Variants in RARB observed in about 807,000 individuals in gnomAD.
RARB encodes the protein retinoic acid receptor beta.
RARB carries 17 observed loss-of-function variants against 51.9 expected under a neutral mutation model. That is an observed-to-expected ratio of 0.33 (90% confidence interval 0.22 to 0.49). The LOEUF is 0.49. Among genes scored for constraint, RARB ranks in the 20% least tolerant of loss-of-function variants. The probability of loss-of-function intolerance (pLI) is 0.99; values close to 1 mark genes in which losing one functional copy is unlikely to be tolerated. For missense variants in RARB, 369 were observed against 550.8 expected (o/e 0.67, Z 3.30); for synonymous variants, 215 against 195.4 (o/e 1.10, Z -0.84).
intron 2 of RARB, among the ~76,000 whole-genome samples, chr3:24,944,547 A>G (rs989973219): frequency 2.0e-5 from 3 of 152,252 alleles, no homozygotes; most frequent in African/African-American, 7.2e-5. Flanking sequence ...TAGAAGTAAT[A>G]GAGCTAGAAT....
At chr3:25,459,070 G>C (rs1016326279) in intron 1 of RARB, among the ~76,000 whole-genome samples, 3 of 152,172 alleles carry the variant, frequency 2.0e-5, no homozygotes, top group Non-Finnish European at 4.4e-5. Flanking sequence ...GAGTATAGGG[G>C]ATGGCAGATG....
At chr3:25,281,590 T>C (rs774819451) in intron 5 of RARB, among the ~76,000 whole-genome samples, 5 of 152,166 alleles carry the variant, frequency 3.3e-5, no homozygotes, top group Non-Finnish European at 5.9e-5. Context: ...AAACAAATGA[T>C]CAGCACTGGG....
intron 5 of RARB, among the ~76,000 whole-genome samples, chr3:25,230,560 T>C (rs945547850): frequency 2.0e-5 from 3 of 152,052 alleles, no homozygotes; most frequent in Non-Finnish European, 4.4e-5. Context: ...TTTCTAACAA[T>C]AATTATCATT....
chr3:25,564,466 G>A (rs1039229230), intron 3 of RARB, among the ~76,000 whole-genome samples: 1 of 152,150 alleles, frequency 6.6e-6, no homozygotes, highest in African/African-American at 2.4e-5. Context: ...GGCTACTACT[G>A]TAGGGGTGGA....
At chr3:25,097,916 A>G (rs1224740781) in intron 3 of RARB, among the ~76,000 whole-genome samples, 3 of 152,154 alleles carry the variant, frequency 2.0e-5, no homozygotes, top group Non-Finnish European at 4.4e-5. Flanking sequence ...ATTGGGTTAG[A>G]CTTAAGATTC....
At chr3:25,290,099 T>A (rs1703749396) in intron 5 of RARB, among the ~76,000 whole-genome samples, 1 of 152,162 alleles carries the variant, frequency 6.6e-6, no homozygotes, top group African/African-American at 2.4e-5. Flanking sequence ...TAATGAAGCA[T>A]TGAGCTATTT....
At chr3:24,851,355 G>A (rs1423413784) in intron 1 of RARB, among the ~76,000 whole-genome samples, 2 of 151,470 alleles carry the variant, frequency 1.3e-5, no homozygotes, top group East Asian at 3.9e-4. Context: ...TGATTCTGGG[G>A]AAGTCAAGGC....
intron 5 of RARB, among the ~76,000 whole-genome samples, chr3:25,196,246 G>C (rs1005496580): frequency 6.6e-6 from 1 of 151,506 alleles, no homozygotes; most frequent in African/African-American, 2.4e-5. Context: ...ACAGGCCCCA[G>C]TGTGTGATGT....
chr3:24,831,291 G>A (rs1339842049), intron 1 of RARB, among the ~76,000 whole-genome samples: 1 of 152,200 alleles, frequency 6.6e-6, no homozygotes, highest in East Asian at 1.9e-4. Context: ...AAGAACTTCA[G>A]TAATGAACAC....
intron 1 of RARB, among the ~76,000 whole-genome samples, chr3:25,450,274 CA>C (rs1235816993): frequency 6.6e-6 from 1 of 152,134 alleles, no homozygotes; most frequent in East Asian, 1.9e-4. Context: ...CACTTTTCCC[CA>C]GATAATAAAT....
intron 2 of RARB, among the ~76,000 whole-genome samples, chr3:24,965,610 C>T (rs1461637876): frequency 6.6e-6 from 1 of 152,156 alleles, no homozygotes; most frequent in Non-Finnish European, 1.5e-5. Flanking sequence ...CAAGTTACTC[C>T]TCTGTCCTTC....
At position 25,290,002 on chromosome 3, in the gene RARB, G is replaced by C. The variant is rs150193644; in HGVS notation, c.178+115427G>C. Among the ~76,000 whole-genome samples, 698 of 152,234 alleles carry C rather than the reference G, an allele frequency of 4.6e-3. 12 individuals are homozygous for C. The highest frequency in any genetic ancestry group is 0.016 in the East Asian group (81 of 5,170). On this transcript the variant is annotated intron_variant, in intron 5 of 11. Transcript: ENST00000383772. Reference sequence around the variant, plus strand: ...TCAGGAAAAGACTCTGGAAGGTACTGGTAGGGCCTGTGGAAATCCCCCTCT... The same window carrying C: ...TCAGGAAAAGACTCTGGAAGGTACTCGTAGGGCCTGTGGAAATCCCCCTCT...
chr3:25,278,183 GGT>G (rs1703437827), intron 5 of RARB, among the ~76,000 whole-genome samples: 2 of 152,168 alleles, frequency 1.3e-5, no homozygotes, highest in Admixed American at 6.6e-5. Context: ...GTGGTGTGGT[GGT>G]TGGCGGTACA....
At chr3:25,311,730 T>A (rs887056110) in intron 5 of RARB, among the ~76,000 whole-genome samples, 1 of 152,194 alleles carries the variant, frequency 6.6e-6, no homozygotes, top group African/African-American at 2.4e-5. Context: ...CCATTCTTCA[T>A]GTAAGTGATG....
At chr3:25,198,733 A>C (rs948500994) in intron 5 of RARB, among the ~76,000 whole-genome samples, 1 of 152,110 alleles carries the variant, frequency 6.6e-6, no homozygotes, top group Admixed American at 6.6e-5. Context: ...TCAAAACTAC[A>C]ATGCTGTGTC....
chr3:25,155,883 A>G (rs561743759), intron 4 of RARB, among the ~76,000 whole-genome samples: 9 of 152,166 alleles, frequency 5.9e-5, no homozygotes, highest in Non-Finnish European at 1.3e-4. Flanking sequence ...GCCTTTTTAC[A>G]TGATAGCTTC....
intron 2 of RARB, among the ~76,000 whole-genome samples, chr3:25,010,511 G>A (rs1255191386): frequency 2.0e-5 from 3 of 152,004 alleles, no homozygotes; most frequent in South Asian, 4.1e-4. Context: ...ATCTGTGTTT[G>A]CTACTGTACT....
At chr3:25,146,453 C>G (rs1407571925) in intron 4 of RARB, among the ~76,000 whole-genome samples, 2 of 150,932 alleles carry the variant, frequency 1.3e-5, no homozygotes, top group Non-Finnish European at 2.9e-5. Context: ...CAAAAACACA[C>G]AGGCTAGAGG....
chr3:25,314,243 T>G (rs894434568), intron 5 of RARB, among the ~76,000 whole-genome samples: 1 of 151,676 alleles, frequency 6.6e-6, no homozygotes, highest in Non-Finnish European at 1.5e-5. Flanking sequence ...TCCTAGAATT[T>G]TTAGCTTCAT....
Sources: gnomAD v4.1 joint callset for allele counts (sites outside exome capture counted in the v4.1 genomes callset) on GRCh38, gnomAD v4.1.1 for gene constraint, MANE v1.5 for transcripts, NCBI Gene and HGNC (gene_info 2026-07-23, HGNC 2026-07-21) for gene names.